TG: variants seen among roughly 807,000 people sequenced by gnomAD.
TG encodes the protein thyroglobulin.
TG carries 270 observed loss-of-function variants against 324.7 expected under a neutral mutation model. The ratio of observed to expected loss-of-function variants is 0.83; its 90% CI spans 0.75 to 0.92. The LOEUF (loss-of-function observed/expected upper bound fraction) is 0.92, where lower values mean the gene tolerates loss of function less well. Among genes scored for constraint, TG ranks in the 40% least tolerant of loss-of-function variants. The probability of loss-of-function intolerance (pLI) is 0.00; values close to 1 mark genes in which losing one functional copy is unlikely to be tolerated. For missense variants in TG, 3,591 were observed against 3,456.4 expected (o/e 1.04, Z -0.98); for synonymous variants, 1,401 against 1,327.0 (o/e 1.06, Z -1.21).
intron 41 of TG, among the ~76,000 whole-genome samples, chr8:133,077,544 C>T (rs2703007): frequency 0.03 from 4,634 of 152,258 alleles, 230 homozygotes; most frequent in African/African-American, 0.098. Context: ...TATCCCAAAG[C>T]CTGGGCTGTG....
chr8:132,931,987 G>A (rs1405300319), intron 23 of TG, among the ~76,000 whole-genome samples: 1 of 152,180 alleles, frequency 6.6e-6, no homozygotes, highest in African/African-American at 2.4e-5. Context: ...CCAGCTACTT[G>A]AGAGGCTAAG....
chr8:133,072,495 T>C (rs1347007048), intron 41 of TG, among the ~76,000 whole-genome samples: 2 of 152,220 alleles, frequency 1.3e-5, no homozygotes, highest in African/African-American at 4.8e-5. Context: ...GATAAATGTA[T>C]GAACAGGACC....
intron 5 of TG, among the ~76,000 whole-genome samples, chr8:132,880,276 T>C (rs1167405639): frequency 6.6e-6 from 1 of 152,240 alleles, no homozygotes; most frequent in Non-Finnish European, 1.5e-5. Flanking sequence ...AAAGGGGGAT[T>C]AAAATGTACC....
chr8:133,006,357 G>T (rs1401069170), intron 35 of TG, among the ~76,000 whole-genome samples: 2 of 152,254 alleles, frequency 1.3e-5, no homozygotes, highest in Non-Finnish European at 2.9e-5. Context: ...ATAGACTACA[G>T]AGGCCCCAGC....
intron 25 of TG, among the ~76,000 whole-genome samples, chr8:132,937,940 T>C: frequency 6.6e-6 from 1 of 152,196 alleles, no homozygotes; most frequent in South Asian, 2.1e-4. Flanking sequence ...GTTTTCCTTT[T>C]TGGTTTAAAG....
chr8:132,974,883 C>T (rs556804568), intron 34 of TG, among the ~76,000 whole-genome samples: 1 of 152,232 alleles, frequency 6.6e-6, no homozygotes, highest in South Asian at 2.1e-4. Flanking sequence ...GAAGATGTTT[C>T]TGGAGTTAAT....
chr8:133,131,694 T>C, intron 45 of TG, 118 bp from the exon 46 acceptor site: 1 of 1,431,050 alleles, frequency 7.0e-7, no homozygotes, highest in East Asian at 2.4e-5. Flanking sequence ...TACTTGGATA[T>C]GATATAAAGA....
intron 43 of TG, among the ~76,000 whole-genome samples, chr8:133,110,676 A>G (rs1382990075): frequency 6.6e-6 from 1 of 152,218 alleles, no homozygotes; most frequent in Non-Finnish European, 1.5e-5. Flanking sequence ...TCAAAACGTT[A>G]TTTCTAATTC....
In TG at chr8:132,901,534, G is replaced by A. The variant is rs981908110; in HGVS notation, c.3615G>A (p.Gly1205=). ...GEEVPGTRVT[G]GQPACESPRC... ...AGGTGCCTGGGACGCGCGTGACCGGGGGCCAGCCCGCCTGTGAGAGTAAGT... is the reference window on the plus strand; with the variant it reads ...AGGTGCCTGGGACGCGCGTGACCGGAGGCCAGCCCGCCTGTGAGAGTAAGT... Residue 1205 remains glycine, a synonymous_variant, in exon 16 of 48, where the codon GGG becomes GGA. Coordinates refer to ENST00000220616, the MANE Select transcript of TG (RefSeq NM_003235.5). 5.6e-6 allele frequency: 9 copies of A among 1,613,326 alleles called. No individual in the cohort carries two copies. Among genetic ancestry groups the A allele is most frequent in the Non-Finnish European group, 6.8e-6 (8 of 1,179,942 alleles).
At chr8:132,898,360 T>C in intron 13 of TG, 114 bp downstream of exon 13, 2 of 1,051,730 alleles carry the variant, frequency 1.9e-6, no homozygotes, top group South Asian at 2.7e-5. Context: ...TTCAGCCAGG[T>C]CCCGGGTGCA....
intron 41 of TG, among the ~76,000 whole-genome samples, chr8:133,064,947 C>T (rs1202256873): frequency 6.6e-6 from 1 of 152,156 alleles, no homozygotes; most frequent in African/African-American, 2.4e-5. Flanking sequence ...CAAGGGAAGG[C>T]AGGTCATAAA....
At position 132,904,427 on chromosome 8, in the gene TG, A is replaced by T. The variant is rs148745009; in HGVS notation, c.3635-2261A>T. On this transcript the variant is annotated intron_variant, in intron 16 of 47. Coordinates refer to ENST00000220616, the MANE Select transcript of TG (RefSeq NM_003235.5). ...TTTTGGAAGGATTTCATGAAATTAA[A>T]GATGTAAAGTGTACTCTCTGGGGCT... Among the ~76,000 whole-genome samples the T allele has an allele frequency of 3.7e-4, 57 of 152,376 alleles. No homozygotes were observed. The East Asian group carries it at 0.011, about 28-fold the overall frequency.
intron 35 of TG, among the ~76,000 whole-genome samples, chr8:132,993,989 C>T (rs528774870): frequency 2.0e-5 from 3 of 152,266 alleles, no homozygotes; most frequent in South Asian, 2.1e-4. Context: ...CAATCAAAGC[C>T]GTAGGTAGAG....
chr8:132,987,942 C>T (rs1831782803), intron 35 of TG, among the ~76,000 whole-genome samples: 1 of 152,078 alleles, frequency 6.6e-6, no homozygotes, highest in Non-Finnish European at 1.5e-5. Flanking sequence ...AGTATGTACT[C>T]AAGACAGGTG....
At chr8:133,033,063 G>T (rs937987244) in intron 41 of TG, among the ~76,000 whole-genome samples, 7 of 152,148 alleles carry the variant, frequency 4.6e-5, no homozygotes, top group Non-Finnish European at 1.0e-4. Flanking sequence ...CTCTCTTGGG[G>T]TCTCAAGGTG....
chr8:133,002,607 A>G, intron 35 of TG: 2 of 233,200 alleles, frequency 8.6e-6, no homozygotes, highest in Non-Finnish European at 1.5e-5. Context: ...AACATCTACT[A>G]TGCCATGAAC....
intron 34 of TG, among the ~76,000 whole-genome samples, chr8:132,973,549 T>C (rs958416023): frequency 1.9e-4 from 29 of 152,274 alleles, no homozygotes; most frequent in African/African-American, 6.5e-4. Context: ...TGCCATCTAC[T>C]TACTATGGGT....
At chr8:132,963,275 G>A (rs1313321131) in intron 29 of TG, among the ~76,000 whole-genome samples, 1 of 152,090 alleles carries the variant, frequency 6.6e-6, no homozygotes, top group East Asian at 1.9e-4. Context: ...CAGAAAGTAA[G>A]GCAAAATCAC....
At chr8:133,050,180 G>A (rs1299878387) in intron 41 of TG, 6 of 584,422 alleles carry the variant, frequency 1.0e-5, no homozygotes, top group Admixed American at 5.6e-5. Context: ...CCAGTGGATA[G>A]CCCTCCATTG....
Sources: gnomAD v4.1 joint callset for allele counts (sites outside exome capture counted in the v4.1 genomes callset) on GRCh38, gnomAD v4.1.1 for gene constraint, MANE v1.5 for transcripts, NCBI Gene and HGNC (gene_info 2026-07-23, HGNC 2026-07-21) for gene names.